RBFOX2: variants seen among roughly 807,000 people sequenced by gnomAD.
RBFOX2 encodes RNA binding fox-1 homolog 2, also known as RNA binding protein fox-1 homolog 2.
In RBFOX2, 10 loss-of-function variants were observed where a neutral mutation model predicts 49.1. That is an observed-to-expected ratio of 0.20 (90% CI 0.13 to 0.35). The LOEUF (loss-of-function observed/expected upper bound fraction) is 0.35, where lower values mean the gene tolerates loss of function less well. Among genes scored for constraint, RBFOX2 ranks in the 10% least tolerant of loss-of-function variants. The pLI is 1.00. For missense variants in RBFOX2, 323 were observed against 486.9 expected, an observed-to-expected ratio of 0.66 and a Z score of 3.17; for synonymous variants, 183 against 187.4, an observed-to-expected ratio of 0.98 and a Z score of 0.19.
At chr22:35,771,130 T>G (rs1223599022) in intron 4 of RBFOX2, among the ~76,000 whole-genome samples, 1 of 152,240 alleles carries the variant, frequency 6.6e-6, no homozygotes, top group Admixed American at 6.5e-5. Context: ...CCAGAGCCAG[T>G]GAATATGTTA....
intron 1 of RBFOX2, among the ~76,000 whole-genome samples, chr22:35,872,267 G>A (rs374842364): frequency 6.6e-5 from 10 of 152,086 alleles, no homozygotes; most frequent in Admixed American, 2.0e-4. Context: ...GTATATAGAC[G>A]GGCAGGCTGT....
Position 35,832,669 on chromosome 22 carries a change from C to G in RBFOX2, c.27+7523G>C, listed in dbSNP as rs184250331. 7.8e-4 allele frequency among the ~76,000 whole-genome samples: 119 copies of G among 151,878 alleles called. 1 individual carries two copies. The highest frequency in any genetic ancestry group is 4.4e-3 in the Admixed American group (67 of 15,228). On this transcript the variant is annotated intron_variant, in intron 1 of 11. Coordinates refer to ENST00000405409, the Ensembl canonical transcript of RBFOX2. ...CCAACATGGTGAAACCCTGTCTCTA[C>G]TAAAATTACAAAATTAGCCAGGTGT...
At position 35,840,303 on chromosome 22, in the gene RBFOX2, C is replaced by G. The variant is rs539691390; in HGVS notation, c.-85G>C. On this transcript the variant is annotated 5_prime_UTR_variant, in exon 1 of 12. Coordinates refer to ENST00000405409, the Ensembl canonical transcript of RBFOX2. ...GCTTTCTTTTCCACCCCCCTCCCCC[C>G]CCAATCTAGCTATTTAAGGGTGGGT... 1,110 of 1,613,274 alleles carry G rather than the reference C, an allele frequency of 6.9e-4. 1 individual carries two copies. Among genetic ancestry groups the G allele is most frequent in the Non-Finnish European group, 8.5e-4 (1,001 of 1,179,498 alleles).
chr22:35,904,907 C>T (rs1427432925), intron 1 of RBFOX2, among the ~76,000 whole-genome samples: 2 of 152,146 alleles, frequency 1.3e-5, no homozygotes, highest in Admixed American at 6.5e-5. Context: ...TCAAGAGCCA[C>T]GTGAGGATAG....
At chr22:35,804,255 G>A (rs937942131) in intron 2 of RBFOX2, among the ~76,000 whole-genome samples, 2 of 152,090 alleles carry the variant, frequency 1.3e-5, no homozygotes, top group Admixed American at 1.3e-4. Context: ...TCCAGCCTGG[G>A]CAACAGAGCA....
intron 2 of RBFOX2, 37 bp from the exon 4 acceptor site, chr22:35,781,783 T>G (rs761545954): frequency 3.7e-6 from 6 of 1,612,786 alleles, no homozygotes; most frequent in Non-Finnish European, 5.1e-6. Context: ...ATATACACAA[T>G]TACTTTAAAA....
chr22:35,843,425 C>T (rs1409398957), upstream of RBFOX2, among the ~76,000 whole-genome samples: 3 of 152,156 alleles, frequency 2.0e-5, no homozygotes, highest in African/African-American at 7.2e-5. Context: ...AGAGGTACTT[C>T]TCCCTGTAGT....
intron 1 of RBFOX2, among the ~76,000 whole-genome samples, chr22:35,895,947 C>T (rs1197344958): frequency 6.6e-6 from 1 of 152,170 alleles, no homozygotes; most frequent in African/African-American, 2.4e-5. Context: ...ATTCATTATG[C>T]CCAGTGGTGA....
chr22:35,893,718 T>C (rs2047519135), intron 1 of RBFOX2, among the ~76,000 whole-genome samples: 1 of 152,214 alleles, frequency 6.6e-6, no homozygotes. Context: ...CCTCCGAACA[T>C]ACACACATAC....
At chr22:35,778,780 G>A (rs1017759163) in intron 3 of RBFOX2, among the ~76,000 whole-genome samples, 8 of 152,086 alleles carry the variant, frequency 5.3e-5, no homozygotes, top group African/African-American at 9.7e-5. Flanking sequence ...GTGATTACAG[G>A]TGCCTGCCAC....
chr22:35,946,230 G>C (rs1325098725), intron 1 of RBFOX2, among the ~76,000 whole-genome samples: 3 of 152,140 alleles, frequency 2.0e-5, no homozygotes, highest in Non-Finnish European at 4.4e-5. Flanking sequence ...AGGTATGAAA[G>C]AGAACCCAGA....
intron 1 of RBFOX2, among the ~76,000 whole-genome samples, chr22:35,889,096 A>G (rs1337885663): frequency 6.6e-6 from 1 of 152,172 alleles, no homozygotes; most frequent in Non-Finnish European, 1.5e-5. Flanking sequence ...CGAAGGGTGC[A>G]GTGAGCCAAG....
chr22:35,793,153 C>T (rs1948110813), intron 2 of RBFOX2, among the ~76,000 whole-genome samples: 1 of 152,198 alleles, frequency 6.6e-6, no homozygotes, highest in South Asian at 2.1e-4. Context: ...GGGTGGATCA[C>T]CTGAGGTCAG....
chr22:36,025,944 C>G (rs935062924), intron 1 of RBFOX2, among the ~76,000 whole-genome samples: 9 of 151,858 alleles, frequency 5.9e-5, no homozygotes, highest in Non-Finnish European at 1.2e-4. Flanking sequence ...ACCTGTATGA[C>G]ATAGGGGAAT....
intron 2 of RBFOX2, among the ~76,000 whole-genome samples, chr22:35,807,715 G>A (rs1951031671): frequency 6.6e-6 from 1 of 151,142 alleles, no homozygotes; most frequent in African/African-American, 2.4e-5. Flanking sequence ...CCCAAAGCAA[G>A]TAGAAGAAAG....
At chr22:35,839,436 G>A (rs1366344492) in intron 1 of RBFOX2, among the ~76,000 whole-genome samples, 1 of 152,098 alleles carries the variant, frequency 6.6e-6, no homozygotes, top group Non-Finnish European at 1.5e-5. Flanking sequence ...GGTTGGGGGA[G>A]AGAGTGAGTG....
intron 5 of RBFOX2, among the ~76,000 whole-genome samples, chr22:35,767,096 C>G (rs1276324946): frequency 6.6e-6 from 1 of 152,066 alleles, no homozygotes; most frequent in Admixed American, 6.6e-5. Context: ...TTCAGTAACT[C>G]TGAGTAAGAT....
At chr22:35,936,564 TC>T (rs1462216464) in intron 1 of RBFOX2, among the ~76,000 whole-genome samples, 1 of 152,138 alleles carries the variant, frequency 6.6e-6, no homozygotes, top group African/African-American at 2.4e-5. Context: ...AATTCAAAGA[TC>T]CAACCAGAGT....
chr22:35,836,748 C>T (rs554366649), intron 1 of RBFOX2, among the ~76,000 whole-genome samples: 12 of 152,198 alleles, frequency 7.9e-5, no homozygotes, highest in Non-Finnish European at 1.6e-4. Flanking sequence ...AAATCTTTTC[C>T]TCTCTGCCTA....
Sources: gnomAD v4.1 joint callset for allele counts (sites outside exome capture counted in the v4.1 genomes callset) on GRCh38, gnomAD v4.1.1 for gene constraint, MANE v1.5 for transcripts, NCBI Gene and HGNC (gene_info 2026-07-23, HGNC 2026-07-21) for gene names.